Variants in IFT43 observed in about 807,000 individuals in gnomAD.
IFT43 encodes the protein intraflagellar transport 43, also known as intraflagellar transport protein 43 homolog.
A neutral mutation model predicts 32.3 loss-of-function variants in IFT43; 33 were observed. The observed-to-expected ratio is 1.02, with a 90% CI of 0.77 to 1.37. IFT43 has a LOEUF of 1.37. IFT43 is among the 40% of genes most tolerant of loss of function. The probability of loss-of-function intolerance (pLI) is 0.00; values close to 1 mark genes in which losing one functional copy is unlikely to be tolerated. For missense variants in IFT43, 274 were observed against 265.9 expected (o/e 1.03, Z -0.21); for synonymous variants, 93 against 98.2 (o/e 0.95, Z 0.31).
At chr14:76,007,040 G>A (rs1332468289) in intron 2 of IFT43, among the ~76,000 whole-genome samples, 4 of 151,762 alleles carry the variant, frequency 2.6e-5, no homozygotes, top group Admixed American at 2.6e-4. Flanking sequence ...TCTATTTTTT[G>A]TAGAGATGGG....
chr14:75,993,722 C>G (rs1460032784), intron 2 of IFT43, among the ~76,000 whole-genome samples: 1 of 152,216 alleles, frequency 6.6e-6, no homozygotes, highest in Non-Finnish European at 1.5e-5. Context: ...TTCCAGCTTC[C>G]TGCTCTGCTA....
intron 5 of IFT43, among the ~76,000 whole-genome samples, chr14:76,074,628 C>T (rs200728086): frequency 1.3e-5 from 2 of 152,322 alleles, no homozygotes; most frequent in East Asian, 3.9e-4. Context: ...TCTTGTATAA[C>T]CTTCAGTGGA....
chr14:76,045,326 A>G (rs1023130499), intron 3 of IFT43, among the ~76,000 whole-genome samples: 4 of 152,166 alleles, frequency 2.6e-5, no homozygotes, highest in Non-Finnish European at 5.9e-5. Flanking sequence ...TCCTGCATCC[A>G]TTTCAAATCA....
At chr14:76,062,700 T>G (rs2037159352) in intron 5 of IFT43, among the ~76,000 whole-genome samples, 1 of 42 alleles carries the variant, frequency 0.024, no homozygotes, top group Non-Finnish European at 0.038. Flanking sequence ...GTGGATTGCC[T>G]GAGGTCAGGA....
chr14:76,002,155 G>A (rs1288632273), intron 2 of IFT43, among the ~76,000 whole-genome samples: 26 of 152,240 alleles, frequency 1.7e-4, no homozygotes. Flanking sequence ...GCTGAGACAG[G>A]AGAATTGCTT....
chr14:75,986,625 G>A (rs375671305), intron 1 of IFT43, among the ~76,000 whole-genome samples: 34 of 152,276 alleles, frequency 2.2e-4, no homozygotes, highest in African/African-American at 7.9e-4. Flanking sequence ...TGCTGCCTAT[G>A]AGGCTGTGGT....
At chr14:76,005,063 T>C (rs1277408580) in intron 2 of IFT43, among the ~76,000 whole-genome samples, 1 of 152,218 alleles carries the variant, frequency 6.6e-6, no homozygotes, top group Non-Finnish European at 1.5e-5. Context: ...ATCTGGGTCA[T>C]CTTGGGGTCA....
chr14:76,047,820 C>G (rs2036838631), intron 3 of IFT43, among the ~76,000 whole-genome samples: 1 of 150,472 alleles, frequency 6.6e-6, no homozygotes, highest in Admixed American at 6.6e-5. Flanking sequence ...AAACCAGTTG[C>G]AAGGAAGGGA....
chr14:76,044,043 CT>C (rs869050646), intron 3 of IFT43, among the ~76,000 whole-genome samples: 16 of 146,220 alleles, frequency 1.1e-4, no homozygotes, highest in South Asian at 2.2e-4. Flanking sequence ...TGTTATTTCT[CT>C]TTTTTTTTTG....
chr14:76,010,944 C>A (rs1385270987), intron 2 of IFT43, among the ~76,000 whole-genome samples: 1 of 151,390 alleles, frequency 6.6e-6, no homozygotes, highest in African/African-American at 2.4e-5. Context: ...ACTCTGTTGC[C>A]CAGGCTGGAG....
intron 2 of IFT43, among the ~76,000 whole-genome samples, chr14:76,001,648 G>C (rs1436263983): frequency 2.6e-5 from 4 of 152,300 alleles, no homozygotes; most frequent in African/African-American, 7.2e-5. Flanking sequence ...CAGGCTTTAG[G>C]GGGTGTCTTG....
rs1482369679 is a variant in IFT43, at chr14:76,083,275, C to T, written c.493C>T (p.His165Tyr). Residue 165 changes from histidine to tyrosine, a missense_variant, in exon 8 of 9, where the codon CAC (histidine) becomes TAC (tyrosine). Physicochemically the swap from His to Tyr is moderately conservative, Grantham distance 83. Coordinates refer to ENST00000314067, the MANE Select transcript of IFT43 (RefSeq NM_001102564.3). ...CCTCACCAAAGTGCTCGCGCCGGAG[C>T]ACGAAGTCCGGGAGGTACAGTGGTG... ...KLLTKVLAPE[H>Y]EVREDDVGWD... The T allele has an allele frequency of 1.9e-6, 3 of 1,613,874 alleles. No individual in the cohort carries two copies. In the South Asian group the frequency reaches 3.3e-5, roughly 18 times the overall value.
intron 5 of IFT43, among the ~76,000 whole-genome samples, chr14:76,069,898 C>T (rs760381265): frequency 1.3e-5 from 2 of 152,124 alleles, no homozygotes; most frequent in Non-Finnish European, 2.9e-5. Context: ...TCCTTTGCAT[C>T]CTGAGGTCCA....
At chr14:76,014,988 A>G (rs1413434870) in intron 2 of IFT43, among the ~76,000 whole-genome samples, 1 of 152,222 alleles carries the variant, frequency 6.6e-6, no homozygotes, top group Non-Finnish European at 1.5e-5. Flanking sequence ...GGCCTGATAC[A>G]CTGAACTCTG....
chr14:76,071,636 A>C (rs2140079874), intron 5 of IFT43, among the ~76,000 whole-genome samples: 1 of 152,336 alleles, frequency 6.6e-6, no homozygotes, highest in Admixed American at 6.5e-5. Context: ...ATACAGGTAC[A>C]CGATAGGCAC....
At chr14:76,029,942 T>TG (rs35405739) in intron 3 of IFT43, among the ~76,000 whole-genome samples, 51,213 of 149,646 alleles carry the variant, frequency 0.34, 8,860 homozygotes, top group African/African-American at 0.38. Context: ...AGTGCAGTGG[T>TG]GCAATCATAG....
chr14:76,048,603 A>G (rs2036853102), intron 3 of IFT43, among the ~76,000 whole-genome samples: 1 of 152,236 alleles, frequency 6.6e-6, no homozygotes, highest in Non-Finnish European at 1.5e-5. Context: ...ACACATAGGT[A>G]TAAATATGCA....
intron 2 of IFT43, among the ~76,000 whole-genome samples, chr14:76,021,203 G>C (rs2139953656): frequency 6.6e-6 from 1 of 152,156 alleles, no homozygotes; most frequent in East Asian, 1.9e-4. Context: ...GTGGTGGTGG[G>C]GGTTGGAGGC....
intron 5 of IFT43, among the ~76,000 whole-genome samples, chr14:76,064,667 C>T (rs905986196): frequency 3.9e-5 from 6 of 152,170 alleles, no homozygotes; most frequent in Admixed American, 1.3e-4. Context: ...CTTTGGACAG[C>T]CTCAGTCCCC....
Sources: gnomAD v4.1 joint callset for allele counts (sites outside exome capture counted in the v4.1 genomes callset) on GRCh38, gnomAD v4.1.1 for gene constraint, MANE v1.5 for transcripts, NCBI Gene and HGNC (gene_info 2026-07-23, HGNC 2026-07-21) for gene names.